FAR2: variants seen among roughly 807,000 people sequenced by gnomAD.
FAR2 encodes fatty acyl-CoA reductase 2.
A neutral mutation model predicts 56.0 loss-of-function variants in FAR2; 19 were observed. The observed-to-expected ratio is 0.34, with a 90% CI of 0.24 to 0.50. The LOEUF is 0.50. Among genes scored for constraint, FAR2 ranks in the 20% least tolerant of loss-of-function variants. FAR2 has a pLI of 0.98. For missense variants in FAR2, 508 were observed against 642.2 expected, an observed-to-expected ratio of 0.79 and a Z score of 2.26; for synonymous variants, 219 against 218.8, an observed-to-expected ratio of 1.00 and a Z score of -0.01.
intron 6 of FAR2, chr12:29,309,876 T>C (rs1361908026): frequency 6.6e-6 from 1 of 152,268 alleles, no homozygotes; most frequent in Admixed American, 6.5e-5. Flanking sequence ...CACTGAAGCA[T>C]TTAGGGTCTA....
At chr12:29,240,470 A>G (rs1446206157) in intron 1 of FAR2, among the ~76,000 whole-genome samples, 1 of 151,608 alleles carries the variant, frequency 6.6e-6, no homozygotes, top group African/African-American at 2.4e-5. Flanking sequence ...TGTAGCAAGC[A>G]CTCCCAGAAG....
intron 3 of FAR2, among the ~76,000 whole-genome samples, chr12:29,294,708 T>TC (rs746333352): frequency 1.3e-5 from 2 of 152,216 alleles, no homozygotes; most frequent in Non-Finnish European, 2.9e-5. Flanking sequence ...CAAATGTCTT[T>TC]CAAGTCAATT....
intron 8 of FAR2, among the ~76,000 whole-genome samples, chr12:29,312,241 G>T (rs1474470831): frequency 1.3e-5 from 2 of 152,118 alleles, no homozygotes; most frequent in Admixed American, 6.6e-5. Context: ...TATAAAGAAT[G>T]TCAGTGATAA....
rs1199205380 is a variant in FAR2 at position 29,247,511 on chromosome 12, T to C, written c.-38-22901T>C. The stretch of plus-strand genomic sequence containing the variant: ...TAGTCTTCTTGGTGGACTTAGTTTA[T>C]GGTGCTGAATCAATCTCCTTTTAAG... On this transcript the variant is annotated intron_variant, in intron 1 of 11. Transcript: ENST00000536681. Among the ~76,000 whole-genome samples, 3 of 152,244 alleles carry C rather than the reference T, an allele frequency of 2.0e-5. No individual in the cohort carries two copies. The South Asian group carries it at 6.2e-4, about 31-fold the overall frequency.
chr12:29,324,543 A>T (rs982952845), intron 10 of FAR2, among the ~76,000 whole-genome samples: 4 of 152,210 alleles, frequency 2.6e-5, no homozygotes, highest in Admixed American at 2.6e-4. Context: ...AGACTAACAG[A>T]TGATCTCTCG....
At chr12:29,242,470 A>G (rs961118762) in intron 1 of FAR2, among the ~76,000 whole-genome samples, 15 of 152,226 alleles carry the variant, frequency 9.9e-5, no homozygotes, top group Non-Finnish European at 2.1e-4. Flanking sequence ...AGTGAGCAGC[A>G]CTGTGGTCCT....
rs578152537 is a variant in FAR2, at chr12:29,198,480, G to C, written c.-39+49073G>C. ...TTGACCTCTTGATCCGCCTGCCTCG[G>C]CCTCCCAAAGTGCTGGGATATCAGG... On this transcript the variant is annotated intron_variant, in intron 1 of 11. Transcript: ENST00000536681. 1.6e-4 allele frequency among the ~76,000 whole-genome samples: 25 copies of C among 152,226 alleles called. No individual in the cohort carries two copies. The East Asian group carries it at 4.6e-3, about 28-fold the overall frequency.
intron 1 of FAR2, among the ~76,000 whole-genome samples, chr12:29,158,165 G>A (rs34170651): frequency 0.015 from 2,221 of 152,234 alleles, 32 homozygotes; most frequent in African/African-American, 0.045. Flanking sequence ...CCAACTTGAT[G>A]TCAGTAAATA....
At chr12:29,242,559 A>T (rs1214814289) in intron 1 of FAR2, among the ~76,000 whole-genome samples, 3 of 152,210 alleles carry the variant, frequency 2.0e-5, no homozygotes, top group African/African-American at 7.2e-5. Flanking sequence ...CCAACTGTTC[A>T]TATATTCAAC....
chr12:29,310,981 ATTAT>A (rs776886688), intron 6 of FAR2, 43 bp from the exon 7 acceptor site: 1 of 1,393,932 alleles, frequency 7.2e-7, no homozygotes, highest in African/African-American at 1.4e-5. Context: ...AGCCCCAGCT[ATTAT>A]TTAAGACCTG....
At chr12:29,202,980 A>G (rs1279604788) in intron 1 of FAR2, among the ~76,000 whole-genome samples, 1 of 152,240 alleles carries the variant, frequency 6.6e-6, no homozygotes, top group Non-Finnish European at 1.5e-5. Context: ...AAATATCTTC[A>G]TAGAAAATCT....
rs573955438 is a variant in FAR2, at chr12:29,203,995, A to G, written c.-39+54588A>G. 2.4e-3 allele frequency among the ~76,000 whole-genome samples: 201 copies of G among 84,592 alleles called. 1 individual carries two copies. The highest frequency in any genetic ancestry group is 8.6e-3 in the African/African-American group (195 of 22,734). The allele number at this position is 84,592 out of a possible 152,430, so 55.5% of individuals were successfully genotyped here. The stretch of plus-strand genomic sequence containing the variant: ...AGCCTGGGAGAGAGAGTGAGATTCC[A>G]TCTCAAAAAAAAAAAAAAAAAAAAA... On this transcript the variant is annotated intron_variant, in intron 1 of 11. Coordinates refer to ENST00000536681, the MANE Select transcript of FAR2 (RefSeq NM_001271783.2).
intron 1 of FAR2, among the ~76,000 whole-genome samples, chr12:29,265,500 A>G (rs948796776): frequency 6.6e-6 from 1 of 152,202 alleles, no homozygotes; most frequent in Non-Finnish European, 1.5e-5. Context: ...CTAGACCCCT[A>G]TCTCTTGCCA....
chr12:29,200,518 C>G (rs968255273), intron 1 of FAR2, among the ~76,000 whole-genome samples: 1 of 152,186 alleles, frequency 6.6e-6, no homozygotes, highest in Non-Finnish European at 1.5e-5. Context: ...CTTGAAGGTG[C>G]TTGACCCCAG....
chr12:29,211,284 C>G (rs887942740), intron 1 of FAR2, among the ~76,000 whole-genome samples: 7 of 152,096 alleles, frequency 4.6e-5, no homozygotes, highest in Non-Finnish European at 5.9e-5. Context: ...GAGCAATACT[C>G]CGTCTCAAAA....
chr12:29,306,220 C>T (rs1949252651), intron 4 of FAR2, among the ~76,000 whole-genome samples: 1 of 152,062 alleles, frequency 6.6e-6, no homozygotes, highest in Admixed American at 6.5e-5. Context: ...CTAGATATTT[C>T]TATGTAGTTG....
chr12:29,210,043 A>G (rs1373679301), intron 1 of FAR2, among the ~76,000 whole-genome samples: 1 of 151,956 alleles, frequency 6.6e-6, no homozygotes, highest in African/African-American at 2.4e-5. Flanking sequence ...CTCTGTCTCT[A>G]TAAAAATAAA....
At chr12:29,271,807 T>A (rs1296799102) in intron 2 of FAR2, among the ~76,000 whole-genome samples, 1 of 152,230 alleles carries the variant, frequency 6.6e-6, no homozygotes, top group Non-Finnish European at 1.5e-5. Flanking sequence ...CCTTACTTCA[T>A]GTATCTTTGC....
chr12:29,193,240 A>T (rs1011085267), intron 1 of FAR2, among the ~76,000 whole-genome samples: 3 of 152,140 alleles, frequency 2.0e-5, no homozygotes, highest in Non-Finnish European at 4.4e-5. Context: ...ACCTGTATGG[A>T]CACATCATTA....
Sources: allele counts gnomAD v4.1 joint callset (sites outside exome capture counted in the v4.1 genomes callset), GRCh38; gene constraint gnomAD v4.1.1; transcripts MANE v1.5; gene names NCBI Gene and HGNC (gene_info 2026-07-23, HGNC 2026-07-21).